Variants in NAALADL1 observed in about 807,000 individuals in gnomAD.
NAALADL1 encodes N-acetylated alpha-linked acidic dipeptidase like 1, also known as aminopeptidase NAALADL1.
In NAALADL1, 77 loss-of-function variants were observed where a neutral mutation model predicts 82.8. The observed-to-expected ratio is 0.93, with a 90% CI of 0.77 to 1.12. The LOEUF (loss-of-function observed/expected upper bound fraction) is 1.12. Ranked by LOEUF, NAALADL1 falls within the 50% of genes most tolerant of loss-of-function variation. The pLI is 0.00. For synonymous variants in NAALADL1, 358 were observed against 399.2 expected, an observed-to-expected ratio of 0.90 and a Z score of 1.23; for missense variants, 956 against 964.0, an observed-to-expected ratio of 0.99 and a Z score of 0.11.
At position 65,047,711 on chromosome 11, in the gene NAALADL1, T is replaced by A. The variant is rs758116174; in HGVS notation, c.1444A>T (p.Ser482Cys). The change falls in exon 12 of 18, where the codon AGC (serine) becomes TGC (cysteine). Residue 482 changes from serine to cysteine, a missense_variant. By Grantham distance (112) the Ser-to-Cys change is moderately radical. Transcript: ENST00000358658. ...TACCGGATCCAGTTGTCGTAGATGC[T>A]CAGGTCGCCAGGGCCTGGTGAGCGG... ...EIRSPGPGDL[S>C]IYDNWIRYFN... 6.2e-7 allele frequency: 1 copy of A among 1,606,578 alleles called. No individual in the cohort carries two copies. Among genetic ancestry groups the A allele is most frequent in the Non-Finnish European group, 8.5e-7 (1 of 1,177,572 alleles).
intron 13 of NAALADL1, 136 bp from the exon 14 acceptor site, chr11:65,046,662 A>G: frequency 1.2e-6 from 1 of 823,464 alleles, no homozygotes. Context: ...TAGAATTCCC[A>G]CAGAAAAGGA....
intron 1 of NAALADL1, 40 bp from the exon 2 acceptor site, chr11:65,058,290 G>A (rs758732685): frequency 2.5e-6 from 4 of 1,613,912 alleles, no homozygotes; most frequent in East Asian, 2.2e-5. Context: ...CCAGCATCAG[G>A]GAGGGGGCCT....
In NAALADL1 at chr11:65,054,047, C is replaced by T. The variant is rs1946965626; in HGVS notation, c.992+203G>A. ...GATGAGGTGGGAGGGGCAGGGGAAT[C>T]CCCACAGGAAACAGCAGCAGCTGTT... On this transcript the variant is annotated intron_variant, in intron 6 of 17. Transcript: ENST00000358658. This position sits in a 1 kb window ranked among gnomAD's most constrained non-coding sequence, Gnocchi z 4.3. Among the ~76,000 whole-genome samples the T allele has an allele frequency of 6.6e-6, 1 of 152,100 alleles. No individual in the cohort carries two copies. The highest frequency in any genetic ancestry group is 1.5e-5 in the Non-Finnish European group (1 of 68,030).
At position 65,046,425 on chromosome 11, in the gene NAALADL1, C is replaced by G; in HGVS notation, c.1681+20G>C. The G allele has an allele frequency of 6.2e-7, 1 of 1,614,148 alleles. No homozygotes were observed. Among genetic ancestry groups the G allele is most frequent in the Non-Finnish European group, 8.5e-7 (1 of 1,179,974 alleles). On this transcript the variant is annotated intron_variant, in intron 14 of 17. Coordinates refer to ENST00000358658, the MANE Select transcript of NAALADL1 (RefSeq NM_005468.3). ...CCTCTCCTGTCCTGGTCTCAGGATG[C>G]CCCTTGTCTCCCTCCTCACCCGGGT...
intron 13 of NAALADL1, 30 bp downstream of exon 13, chr11:65,047,445 C>T (rs1025496210): frequency 1.9e-6 from 3 of 1,542,098 alleles, no homozygotes; most frequent in African/African-American, 1.4e-5. Context: ...AGCAAGGTAC[C>T]GAGGCAGGGA....
At position 65,046,254 on chromosome 11, in the gene NAALADL1, C is replaced by T. The variant is rs564359234; in HGVS notation, c.1790G>A (p.Arg597His). ...TTGCTGGGCTGCCTGCAGGAAGCTG[C>T]GGAGTGTCTCACTGTAGTCACTGAC... Reference protein sequence around the residue: ...LKVSDYSETLRSFLQAAQQDL... With the variant: ...LKVSDYSETLHSFLQAAQQDL... Residue 597 changes from arginine to histidine, a missense_variant, in exon 15 of 18, where the codon CGC (arginine) becomes CAC (histidine). Arg to His is a conservative substitution (Grantham distance 29). Transcript: ENST00000358658. The T allele has an allele frequency of 1.1e-5, 17 of 1,614,126 alleles. No individual in the cohort carries two copies. The highest frequency in any genetic ancestry group is 1.7e-4 in the Middle Eastern group (1 of 6,056).
In NAALADL1 at chr11:65,058,492, C is replaced by A; in HGVS notation, c.30G>T (p.Gly10=). The change falls in exon 1 of 18, where the codon GGG becomes GGT. Residue 10 remains glycine, a synonymous_variant. Transcript: ENST00000358658. MQWTKVLGL[G]LGAAALLGLG... is the part of the protein sequence containing the mutation. The stretch of plus-strand genomic sequence containing the variant: ...GCCCCAAGAGGGCAGCAGCCCCCAG[C>A]CCCAGCCCCAACACCTTCGTCCACT... 6.2e-7 allele frequency: 1 copy of A among 1,608,572 alleles called. No homozygotes were observed. Among genetic ancestry groups the A allele is most frequent in the Non-Finnish European group, 8.5e-7 (1 of 1,177,366 alleles).
chr11:65,060,253 G>T (rs1590779226), upstream of NAALADL1, among the ~76,000 whole-genome samples: 1 of 152,114 alleles, frequency 6.6e-6, no homozygotes, highest in East Asian at 1.9e-4. Flanking sequence ...TGCTGCTGGT[G>T]AGGAGGTTCA....
chr11:65,045,292 CAG>C lies in NAALADL1; in HGVS notation c.2200_2201del (p.Leu734GlufsTer5). On this transcript the variant is annotated frameshift_variant, in exon 18 of 18. Transcript: ENST00000358658. LOFTEE classifies it high-confidence loss of function. ...GGGGTCAGAGGTCAGCCACAGGCCTCAGGGTGGCTGCCGCACCCTCCAGGGCT... is the reference window on the plus strand; with the variant it reads ...GGGGTCAGAGGTCAGCCACAGGCCTCGGTGGCTGCCGCACCCTCCAGGGCT... ...VTALEGAAAT[L>X]RPVADL 1.9e-6 allele frequency: 3 copies of C among 1,608,278 alleles called. No individual in the cohort carries two copies. Among genetic ancestry groups the C allele is most frequent in the Non-Finnish European group, 2.6e-6 (3 of 1,176,462 alleles).
chr11:65,050,093 G>A (rs57650126), intron 8 of NAALADL1, among the ~76,000 whole-genome samples: 3 of 151,364 alleles, frequency 2.0e-5, no homozygotes, highest in Non-Finnish European at 2.9e-5. Flanking sequence ...CCAGGCTGGT[G>A]TTGAACTCCT....
At position 65,053,515 on chromosome 11, in the gene NAALADL1, T is replaced by A; in HGVS notation, c.1054A>T (p.Ile352Phe). Residue 352 changes from isoleucine to phenylalanine, a missense_variant, in exon 7 of 18, where the codon ATC becomes TTC. Physicochemically the swap from Ile to Phe is conservative, Grantham distance 21. Coordinates refer to ENST00000358658, the MANE Select transcript of NAALADL1 (RefSeq NM_005468.3). This position sits in a 1 kb window ranked among gnomAD's most constrained non-coding sequence, Gnocchi z 4.3. Reference sequence around the variant, plus strand: ...CCAGGCTCCACAGCCCCACGGATGATGCCCAGGACGTTGGAAGAGTTCCTC... The same window carrying A: ...CCAGGCTCCACAGCCCCACGGATGAAGCCCAGGACGTTGGAAGAGTTCCTC... ...ELRNSSNVLG[I>F]IRGAVEPDRY... 1 of 1,613,662 alleles carries A rather than the reference T, an allele frequency of 6.2e-7. No homozygotes were observed. The highest frequency in any genetic ancestry group is 8.5e-7 in the Non-Finnish European group (1 of 1,179,894).
rs1250541785 is a variant in NAALADL1 at position 65,058,217 on chromosome 11, G to T, written c.219C>A (p.Ser73Arg). 1.2e-6 allele frequency: 2 copies of T among 1,613,692 alleles called. No homozygotes were observed. The highest frequency in any genetic ancestry group is 3.3e-5 in the Admixed American group (2 of 60,008). The change falls in exon 2 of 18, where the codon AGC becomes AGA. Residue 73 changes from serine to arginine, a missense_variant. By Grantham distance (110) the Ser-to-Arg change is moderately radical. Transcript: ENST00000358658. Reference sequence around the variant, plus strand: ...GCTGCACCAGGTCCTCATCCCGAGGGCTGGAGGCCAGGTGTGGCTCCCTGG... The same window carrying T: ...GCTGCACCAGGTCCTCATCCCGAGGTCTGGAGGCCAGGTGTGGCTCCCTGG... ...ELSREPHLAS[S>R]PRDEDLVQLL...
Position 65,053,597 on chromosome 11 carries a change from G to A in NAALADL1, c.993-21C>T, listed in dbSNP as rs1365721612. On this transcript the variant is annotated intron_variant, in intron 6 of 17. Transcript: ENST00000358658. The surrounding 1 kb of genome is among the most constrained non-coding windows in gnomAD (Gnocchi z 4.3). ...CCTGGCTGGGGAGGGTGAAGGGTGT[G>A]AGAAGACTCTTGGCCTTGCCCACTG... 1.9e-6 allele frequency: 3 copies of A among 1,570,970 alleles called. No individual in the cohort carries two copies. The East Asian group carries it at 6.7e-5, about 35-fold the overall frequency.
At chr11:65,059,593 T>A (rs1348089213), upstream of NAALADL1, among the ~76,000 whole-genome samples, 1 of 152,216 alleles carries the variant, frequency 6.6e-6, no homozygotes, top group Non-Finnish European at 1.5e-5. Context: ...TCCTCTTCTA[T>A]CCCCTGGCTC....
Position 65,053,510 on chromosome 11 carries a change from G to A in NAALADL1, c.1059C>T (p.Ile353=). ...LRNSSNVLGI[I]RGAVEPDRYV... ...GCTCACCAGGCTCCACAGCCCCACG[G>A]ATGATGCCCAGGACGTTGGAAGAGT... Residue 353 remains isoleucine, a synonymous_variant, in exon 7 of 18, where the codon ATC becomes ATT. Transcript: ENST00000358658. This position sits in a 1 kb window ranked among gnomAD's most constrained non-coding sequence, Gnocchi z 4.3. 6.2e-7 allele frequency: 1 copy of A among 1,613,962 alleles called. No homozygotes were observed. The highest frequency in any genetic ancestry group is 8.5e-7 in the Non-Finnish European group (1 of 1,179,986).
Position 65,054,592 on chromosome 11 carries a change from G to C in NAALADL1, c.750C>G (p.Tyr250Ter), listed in dbSNP as rs376792258. The change falls in exon 5 of 18, where the codon TAC becomes TAG. Residue 250 changes from tyrosine to a stop codon, truncating the protein, a stop_gained. Transcript: ENST00000358658. LOFTEE classifies it high-confidence loss of function. The surrounding 1 kb of genome is among the most constrained non-coding windows in gnomAD (Gnocchi z 4.3). The part of the protein sequence containing the change: ...PPSGVERGSY[Y>*]EYFGDPLTPY... ...GAGTCAGAGGGTCCCCAAAATACTC[G>C]TAGTAGGAGCCTCGCTCCACTCCTG... is the stretch of plus-strand genomic sequence containing the variant. The C allele has an allele frequency of 6.2e-7, 1 of 1,613,770 alleles. No homozygotes were observed. Among genetic ancestry groups the C allele is most frequent in the Middle Eastern group, 1.6e-4 (1 of 6,062 alleles).
In NAALADL1 at chr11:65,046,301, G is replaced by C; in HGVS notation, c.1743C>G (p.Asp581Glu). 6 of 1,614,196 alleles carry C rather than the reference G, an allele frequency of 3.7e-6. No homozygotes were observed. Among genetic ancestry groups the C allele is most frequent in the Non-Finnish European group, 5.1e-6 (6 of 1,180,034 alleles). Residue 581 changes from aspartate (D) to glutamate (E), a missense_variant, in exon 15 of 18, where the codon GAC becomes GAG. Coordinates refer to ENST00000358658, the MANE Select transcript of NAALADL1 (RefSeq NM_005468.3). The part of the protein sequence containing the change: ...TAGSVILRLS[D>E]SFFLPLKVSD... Reference sequence around the variant, plus strand: ...TGACTTTGAGGGGCAGGAAGAAGCTGTCACTGAGCCGGAGAATCACACTCC... The same window carrying C: ...TGACTTTGAGGGGCAGGAAGAAGCTCTCACTGAGCCGGAGAATCACACTCC...
chr11:65,054,681 C>T lies in NAALADL1; in HGVS notation c.661G>A (p.Asp221Asn), dbSNP rs143716055. 1.7e-5 allele frequency: 28 copies of T among 1,613,954 alleles called. No individual in the cohort carries two copies. The highest frequency in any genetic ancestry group is 1.6e-4 in the Middle Eastern group (1 of 6,084). ...GGTGAGCTCAGCCCATCGTTGATGT[C>T]GGCAGGGTCTGTGTACACCAGCACC... is the stretch of plus-strand genomic sequence containing the variant. ...AGVLVYTDPA[D>N]INDGLSSPDE... Residue 221 changes from aspartate to asparagine, a missense_variant, in exon 5 of 18, where the codon GAC (aspartate) becomes AAC (asparagine). By Grantham distance (23) the Asp-to-Asn change is conservative. Transcript: ENST00000358658. The surrounding 1 kb of genome is among the most constrained non-coding windows in gnomAD (Gnocchi z 4.3).
chr11:65,046,932 C>T (rs537095166), intron 13 of NAALADL1, among the ~76,000 whole-genome samples: 12 of 152,262 alleles, frequency 7.9e-5, no homozygotes, highest in South Asian at 6.2e-4. Flanking sequence ...CCAACGCTCA[C>T]GCCAATGGTC....
Sources: gnomAD v4.1 joint callset for allele counts (sites outside exome capture counted in the v4.1 genomes callset) on GRCh38, gnomAD v4.1.1 for gene constraint, Gnocchi (gnomAD v3.1) non-coding constraint, MANE v1.5 for transcripts, NCBI Gene and HGNC (gene_info 2026-07-23, HGNC 2026-07-21) for gene names.